Variants in SLC16A7 observed in about 807,000 individuals in gnomAD.
SLC16A7 encodes monocarboxylate transporter 2.
Under a neutral mutation model 34.9 loss-of-function variants are expected in SLC16A7, and 33 were observed. That is an observed-to-expected ratio of 0.94 (90% CI 0.72 to 1.26). The LOEUF (loss-of-function observed/expected upper bound fraction) is 1.26. Ranked by LOEUF, SLC16A7 falls within the 50% of genes most tolerant of loss-of-function variation. The pLI, the probability that SLC16A7 is intolerant of heterozygous loss-of-function variation, is 0.00. For synonymous variants in SLC16A7, 201 were observed against 206.6 expected, an observed-to-expected ratio of 0.97 and a Z score of 0.23; for missense variants, 573 against 578.1, an observed-to-expected ratio of 0.99 and a Z score of 0.09.
intron 2 of SLC16A7, among the ~76,000 whole-genome samples, chr12:59,689,966 G>A (rs1369708104): frequency 6.6e-6 from 1 of 151,982 alleles, no homozygotes; most frequent in Non-Finnish European, 1.5e-5. Flanking sequence ...GGCTCTCTAT[G>A]ATGCTTCCAA....
intron 3 of SLC16A7, among the ~76,000 whole-genome samples, chr12:59,767,139 G>A (rs745354798): frequency 1.3e-4 from 19 of 151,074 alleles, no homozygotes; most frequent in East Asian, 7.9e-4. Flanking sequence ...TTCCTTAAAC[G>A]TCATGAATCA....
intron 2 of SLC16A7, among the ~76,000 whole-genome samples, chr12:59,668,452 T>A (rs1289573067): frequency 6.6e-6 from 1 of 152,230 alleles, no homozygotes; most frequent in Non-Finnish European, 1.5e-5. Context: ...ATTTAATGAC[T>A]GCCGTATTGG....
chr12:59,669,685 C>CACACACACACACACAT (rs71074381), intron 2 of SLC16A7, among the ~76,000 whole-genome samples: 1 of 151,340 alleles, frequency 6.6e-6, no homozygotes, highest in Non-Finnish European at 1.5e-5. Context: ...CACACACACA[C>CACACACACACACACAT]GATTTATCTA....
chr12:59,749,968 C>T (rs904420239), intron 3 of SLC16A7, among the ~76,000 whole-genome samples: 1 of 152,216 alleles, frequency 6.6e-6, no homozygotes, highest in Middle Eastern at 3.4e-3. Flanking sequence ...ATGGGGAAAG[C>T]ATTCCCTATT....
intron 3 of SLC16A7, among the ~76,000 whole-genome samples, chr12:59,738,457 TG>T (rs1877862422): frequency 6.6e-6 from 1 of 152,148 alleles, no homozygotes; most frequent in Non-Finnish European, 1.5e-5. Context: ...GCAGATGAAC[TG>T]GGGAGGAAGA....
chr12:59,597,506 G>T (rs7312823), intron 1 of SLC16A7, among the ~76,000 whole-genome samples: 28,465 of 151,950 alleles, frequency 0.19, 2,799 homozygotes, highest in Non-Finnish European at 0.21. Flanking sequence ...TCTGAACTCA[G>T]AGGGTTGCAA....
At chr12:59,766,747 G>C (rs1175700810) in intron 3 of SLC16A7, among the ~76,000 whole-genome samples, 1 of 152,050 alleles carries the variant, frequency 6.6e-6, no homozygotes, top group Non-Finnish European at 1.5e-5. Flanking sequence ...ATTTTATTGA[G>C]GATTTTTGCA....
intron 3 of SLC16A7, among the ~76,000 whole-genome samples, chr12:59,717,284 T>C (rs1456149693): frequency 6.6e-6 from 1 of 152,230 alleles, no homozygotes; most frequent in Non-Finnish European, 1.5e-5. Context: ...TTAATAACCT[T>C]AGTTACAGTG....
intron 3 of SLC16A7, among the ~76,000 whole-genome samples, chr12:59,750,853 A>G (rs891977728): frequency 6.6e-6 from 1 of 152,208 alleles, no homozygotes; most frequent in African/African-American, 2.4e-5. Flanking sequence ...AATGTGGCGC[A>G]TATACACCAT....
At chr12:59,763,165 A>C (rs2137399557) in intron 3 of SLC16A7, among the ~76,000 whole-genome samples, 1 of 152,200 alleles carries the variant, frequency 6.6e-6, no homozygotes, top group Non-Finnish European at 1.5e-5. Context: ...TGAAATCAAT[A>C]GGCATCCTGT....
At chr12:59,735,545 A>G (rs1877490788) in intron 3 of SLC16A7, among the ~76,000 whole-genome samples, 1 of 152,178 alleles carries the variant, frequency 6.6e-6, no homozygotes, top group South Asian at 2.1e-4. Flanking sequence ...TCTTGATGTC[A>G]GATGAGAAAA....
In SLC16A7 at chr12:59,775,193, G is replaced by A; in HGVS notation, c.898G>A (p.Val300Ile). Residue 300 changes from valine (V) to isoleucine (I), a missense_variant, in exon 5 of 6, where the codon GTA (valine) becomes ATA (isoleucine). Coordinates refer to ENST00000547379, the MANE Select transcript of SLC16A7 (RefSeq NM_001270623.2). ...AFVDMFARPS[V>I]GLIANSKYIR... ...CGTTGATATGTTTGCTAGGCCTTCT[G>A]TAGGATTAATTGCAAACTCCAAATA... 1 of 1,614,128 alleles carries A rather than the reference G, an allele frequency of 6.2e-7. No individual in the cohort carries two copies. The highest frequency in any genetic ancestry group is 8.5e-7 in the Non-Finnish European group (1 of 1,180,020).
At chr12:59,748,502 C>T (rs374396001) in intron 3 of SLC16A7, among the ~76,000 whole-genome samples, 1 of 152,104 alleles carries the variant, frequency 6.6e-6, no homozygotes, top group Non-Finnish European at 1.5e-5. Context: ...AAAATGGGCT[C>T]TCAGAGTTCT....
intron 3 of SLC16A7, among the ~76,000 whole-genome samples, chr12:59,738,380 A>G (rs1372845516): frequency 2.0e-5 from 3 of 152,202 alleles, no homozygotes; most frequent in African/African-American, 7.2e-5. Context: ...TACAAGTACA[A>G]ATCTAAACTT....
intron 2 of SLC16A7, among the ~76,000 whole-genome samples, chr12:59,667,262 T>C (rs1869285414): frequency 6.6e-6 from 1 of 152,078 alleles, no homozygotes; most frequent in South Asian, 2.1e-4. Flanking sequence ...CCAAACCATA[T>C]CAGGAGGGCT....
intron 3 of SLC16A7, among the ~76,000 whole-genome samples, chr12:59,713,051 G>T (rs189619949): frequency 6.7e-6 from 1 of 150,244 alleles, no homozygotes; most frequent in African/African-American, 2.5e-5. Flanking sequence ...ATGTAGTCTC[G>T]CTCTGTTGCC....
At chr12:59,693,167 A>G (rs937985671) in intron 2 of SLC16A7, among the ~76,000 whole-genome samples, 1 of 151,968 alleles carries the variant, frequency 6.6e-6, no homozygotes, top group Non-Finnish European at 1.5e-5. Context: ...AGAGGAATTT[A>G]TAGTGAAACC....
intron 3 of SLC16A7, among the ~76,000 whole-genome samples, chr12:59,740,123 C>T (rs1316869741): frequency 9.3e-5 from 14 of 150,596 alleles, no homozygotes; most frequent in African/African-American, 3.2e-4. Context: ...CTTGCCCATG[C>T]CTATGTCCTG....
chr12:59,640,625 T>C (rs1880640464), intron 1 of SLC16A7, among the ~76,000 whole-genome samples: 1 of 152,130 alleles, frequency 6.6e-6, no homozygotes, highest in Non-Finnish European at 1.5e-5. Flanking sequence ...TATCATCCCA[T>C]GTGTTTGCAA....
Sources: gnomAD v4.1 joint callset for allele counts (sites outside exome capture counted in the v4.1 genomes callset) on GRCh38, gnomAD v4.1.1 for gene constraint, MANE v1.5 for transcripts, NCBI Gene and HGNC (gene_info 2026-07-23, HGNC 2026-07-21) for gene names.